SBNO2: variants seen among roughly 807,000 people sequenced by gnomAD.
The protein encoded by SBNO2 is strawberry notch homolog 2, also known as protein strawberry notch homolog 2.
In SBNO2, 89 loss-of-function variants were observed where a neutral mutation model predicts 146.3. That is an observed-to-expected ratio of 0.61 (90% confidence interval 0.51 to 0.73). SBNO2 has a LOEUF of 0.73. Among genes scored for constraint, SBNO2 ranks in the 30% least tolerant of loss-of-function variants. The probability of loss-of-function intolerance (pLI) is 0.00; values close to 1 mark genes in which losing one functional copy is unlikely to be tolerated. For missense variants in SBNO2, 2,092 were observed against 2,003.7 expected (o/e 1.04, Z -0.84); for synonymous variants, 1,147 against 892.6 (o/e 1.29, Z -5.08).
chr19:1,119,186 G>GT (rs1568570401), intron 13 of SBNO2, 22 bp from the exon 14 acceptor site: 1 of 1,580,264 alleles, frequency 6.3e-7, no homozygotes, highest in Admixed American at 1.7e-5. Context: ...CACAGCCCCC[G>GT]TGAGCACGGC....
At chr19:1,154,488 G>C (rs542793593) in intron 1 of SBNO2, 86 bp from the exon 2 acceptor site, 128 of 381,168 alleles carry the variant, frequency 3.4e-4, no homozygotes, top group African/African-American at 2.5e-3. Flanking sequence ...GGCATGACCG[G>C]TCCCAGCCTG....
chr19:1,124,552 A>T (rs1320277672), intron 5 of SBNO2, among the ~76,000 whole-genome samples: 1 of 152,160 alleles, frequency 6.6e-6, no homozygotes, highest in East Asian at 1.9e-4. Context: ...CCCAGCACAC[A>T]GGGTGGGTGG....
chr19:1,131,668 C>T (rs551282982), intron 4 of SBNO2, among the ~76,000 whole-genome samples: 75 of 152,216 alleles, frequency 4.9e-4, no homozygotes, highest in Non-Finnish European at 1.1e-3. Context: ...CCCCATAAGA[C>T]ACCCAGAGCC....
chr19:1,111,225 G>T, intron 24 of SBNO2, 132 bp from the exon 25 acceptor site: 1 of 1,021,732 alleles, frequency 9.8e-7, no homozygotes, highest in Non-Finnish European at 1.4e-6. Context: ...CCAGGGCCAG[G>T]GCCAGGAGCG....
chr19:1,129,433 CA>C (rs1276147587), intron 4 of SBNO2, among the ~76,000 whole-genome samples: 1 of 152,122 alleles, frequency 6.6e-6, no homozygotes. Context: ...AACCTGCCCC[CA>C]AACAGAGACC....
In SBNO2 at chr19:1,109,960, A is replaced by G. The variant is rs966899995; in HGVS notation, c.3029-183T>C. On this transcript the variant is annotated intron_variant, in intron 26 of 31. Coordinates refer to ENST00000361757, the MANE Select transcript of SBNO2 (RefSeq NM_014963.3). This position sits in a 1 kb window ranked among gnomAD's most constrained non-coding sequence, Gnocchi z 4.2. The stretch of plus-strand genomic sequence containing the variant: ...GGTGCACGTGGGCCCCAACCTGGCA[A>G]CCGCTCAGGTCCTAGGTAACCCCGA... Among the ~76,000 whole-genome samples, 1 of 151,318 alleles carries G rather than the reference A, an allele frequency of 6.6e-6. No homozygotes were observed. Among genetic ancestry groups the G allele is most frequent in the African/African-American group, 2.4e-5 (1 of 41,020 alleles).
chr19:1,108,590 GGGGCGGGCGGGGCGGGGCAGCCCA>G lies in SBNO2; in HGVS notation c.3707_3730del (p.Leu1236_Ala1243del). The G allele has an allele frequency of 7.7e-7, 1 of 1,291,140 alleles. No individual in the cohort carries two copies. The highest frequency in any genetic ancestry group is 9.8e-7 in the Non-Finnish European group (1 of 1,023,632). The allele number at this position is 1,291,140 out of a possible 1,614,324, so 80.0% of individuals were successfully genotyped here. ...GCCGCAAGGCAGCGCCAGCGGGCGC[GGGGCGGGCGGGGCGGGGCAGCCCA>G]GGGCGGGCGCCTGCCTGCGCTTCAC... On this transcript the variant is annotated inframe_deletion, in exon 32 of 32. Transcript: ENST00000361757.
intron 4 of SBNO2, among the ~76,000 whole-genome samples, chr19:1,131,024 C>T (rs183345109): frequency 2.6e-5 from 4 of 152,300 alleles, no homozygotes; most frequent in Admixed American, 2.0e-4. Context: ...ATGTGGGAAG[C>T]TGAACAGAGC....
intron 4 of SBNO2, among the ~76,000 whole-genome samples, chr19:1,141,428 T>C (rs1202031346): frequency 6.6e-6 from 1 of 152,128 alleles, no homozygotes; most frequent in Non-Finnish European, 1.5e-5. Context: ...TTGGCCAGGA[T>C]GGTCTCAAAC....
chr19:1,152,292 C>T (rs1476437253), intron 2 of SBNO2, among the ~76,000 whole-genome samples: 2 of 152,194 alleles, frequency 1.3e-5, no homozygotes, highest in East Asian at 1.9e-4. Context: ...TCCCATAATT[C>T]GCTTAATTAT....
At chr19:1,149,523 C>G in intron 2 of SBNO2, 81 bp from the exon 3 acceptor site, 1 of 1,345,132 alleles carries the variant, frequency 7.4e-7, no homozygotes, top group Non-Finnish European at 1.0e-6. Flanking sequence ...GGCAGGGTGA[C>G]AGGCCGAGAG....
chr19:1,170,219 T>A (rs578114408), intron 1 of SBNO2, among the ~76,000 whole-genome samples: 53 of 152,296 alleles, frequency 3.5e-4, no homozygotes, highest in Non-Finnish European at 4.1e-4. Flanking sequence ...GAAATCCCCG[T>A]CTTGGCCAGA....
intron 1 of SBNO2, among the ~76,000 whole-genome samples, chr19:1,161,906 C>CGGGGGGGGGGGGGGGG (rs916715232): frequency 1.5e-3 from 2 of 1,344 alleles, no homozygotes; most frequent in East Asian, 8.5e-3. Context: ...TGGGGAGCCG[C>CGGGGGGGGGGGGGGGG]GGGGGGGGGG....
At position 1,154,320 on chromosome 19, in the gene SBNO2, C is replaced by A. The variant is rs1166492305; in HGVS notation, c.-44G>T. On this transcript the variant is annotated 5_prime_UTR_variant, in exon 2 of 32. Transcript: ENST00000361757. The stretch of plus-strand genomic sequence containing the variant: ...GGGTCCTCGGCCGGGCAGCAGGCGG[C>A]GGGACTCCAGGACCCGGGGCCGCCG... 1 of 1,155,156 alleles carries A rather than the reference C, an allele frequency of 8.7e-7. No homozygotes were observed. The highest frequency in any genetic ancestry group is 1.6e-5 in the African/African-American group (1 of 62,978). 71.6% of individuals were successfully genotyped at this position (1,155,156 alleles called of 1,614,324 possible).
chr19:1,147,695 C>A (rs1262225256), intron 3 of SBNO2, among the ~76,000 whole-genome samples: 1 of 152,008 alleles, frequency 6.6e-6, no homozygotes, highest in Admixed American at 6.5e-5. Flanking sequence ...CCAGGGCCAC[C>A]ATCCCGCCCT....
intron 12 of SBNO2, 125 bp from the exon 13 acceptor site, chr19:1,119,746 G>C: frequency 1.0e-6 from 1 of 985,496 alleles, no homozygotes; most frequent in Non-Finnish European, 1.5e-6. Context: ...CCTGAAGAGA[G>C]CCAGCGTGGC....
chr19:1,164,903 G>A (rs2080395962), intron 1 of SBNO2, among the ~76,000 whole-genome samples: 1 of 132,404 alleles, frequency 7.6e-6, no homozygotes, highest in Non-Finnish European at 1.7e-5. Flanking sequence ...GGAGGAGGAG[G>A]AGGAGGCACA....
intron 4 of SBNO2, among the ~76,000 whole-genome samples, chr19:1,129,923 T>C (rs1332019715): frequency 1.3e-5 from 2 of 152,122 alleles, no homozygotes; most frequent in Non-Finnish European, 2.9e-5. Flanking sequence ...CCAGGTGCCC[T>C]TGGCCCAAGA....
Position 1,119,507 on chromosome 19 carries a change from G to C in SBNO2, c.1373+9C>G. 6.3e-7 allele frequency: 1 copy of C among 1,584,258 alleles called. No individual in the cohort carries two copies. Among genetic ancestry groups the C allele is most frequent in the Admixed American group, 1.7e-5 (1 of 57,598 alleles). ...GCCGCCCCTCCACGTGGGTGAGAAG[G>C]GCACTCACCTCTTCTCGATGGCGTG... On this transcript the variant is annotated intron_variant, in intron 13 of 31. Transcript: ENST00000361757.
Sources: allele counts gnomAD v4.1 joint callset (sites outside exome capture counted in the v4.1 genomes callset), GRCh38; gene constraint gnomAD v4.1.1; non-coding constraint Gnocchi (gnomAD v3.1); transcripts MANE v1.5; gene names NCBI Gene and HGNC (gene_info 2026-07-23, HGNC 2026-07-21).